Variants in CS observed in about 807,000 individuals in gnomAD.
CS encodes the protein citrate synthase, mitochondrial.
Under a neutral mutation model 61.4 loss-of-function variants are expected in CS, and 13 were observed. That is an observed-to-expected ratio of 0.21 (90% CI 0.14 to 0.34). The LOEUF (loss-of-function observed/expected upper bound fraction) is 0.34. CS is among the 10% of genes least tolerant of loss of function. The pLI, the probability that CS is intolerant of heterozygous loss-of-function variation, is 1.00. For missense variants in CS, 278 were observed against 573.4 expected (o/e 0.48, Z 5.26); for synonymous variants, 159 against 215.2 (o/e 0.74, Z 2.29).
At chr12:56,276,326 T>TA in intron 6 of CS, 131 bp from the exon 7 acceptor site, 3 of 718,012 alleles carry the variant, frequency 4.2e-6, no homozygotes, top group Non-Finnish European at 7.1e-6. Context: ...TGGGTTGTTA[T>TA]ATATTGAGTA....
chr12:56,293,076 C>T (rs1873182841), intron 1 of CS, among the ~76,000 whole-genome samples: 1 of 152,164 alleles, frequency 6.6e-6, no homozygotes, highest in Admixed American at 6.6e-5. Context: ...TACTGCACTC[C>T]AGCCTGGGCA....
intron 2 of CS, 81 bp from the exon 3 acceptor site, chr12:56,286,104 CTTTT>C: frequency 6.5e-6 from 8 of 1,239,098 alleles, no homozygotes; most frequent in Non-Finnish European, 8.2e-6. Flanking sequence ...CAAGAATTTG[CTTTT>C]TAGAAGCTGG....
chr12:56,297,442 A>G (rs1873339614), intron 1 of CS, among the ~76,000 whole-genome samples: 1 of 152,242 alleles, frequency 6.6e-6, no homozygotes, highest in South Asian at 2.1e-4. Flanking sequence ...TGACAGTGAG[A>G]GTAGAACAAT....
At position 56,273,052 on chromosome 12, in the gene CS, T is replaced by C. The variant is rs1872551520; in HGVS notation, c.*32A>G. The C allele has an allele frequency of 6.4e-7, 1 of 1,568,048 alleles. No individual in the cohort carries two copies. ...TACTTTTTATTTAGGCTTCCTCACT[T>C]TCTGGTAGTCACTTTCACCCAGTCT... is the stretch of plus-strand genomic sequence containing the variant. On this transcript the variant is annotated 3_prime_UTR_variant, in exon 11 of 11. Coordinates refer to ENST00000351328, the MANE Select transcript of CS (RefSeq NM_004077.3).
Position 56,300,255 on chromosome 12 carries a change from C to T in CS, c.-54G>A, listed in dbSNP as rs1335610309. 1 of 1,525,170 alleles carries T rather than the reference C, an allele frequency of 6.6e-7. No individual in the cohort carries two copies. Among genetic ancestry groups the T allele is most frequent in the Non-Finnish European group, 8.8e-7 (1 of 1,132,180 alleles). The allele number at this position is 1,525,170 out of a possible 1,614,324, so 94.5% of individuals were successfully genotyped here. ...AGGTAAGAAAGGGAGAGAGCTGCGG[C>T]AGGAACAGGAGCCGCCGCCGCTGCA... is the stretch of plus-strand genomic sequence containing the variant. On this transcript the variant is annotated 5_prime_UTR_variant, in exon 1 of 11. Coordinates refer to ENST00000351328, the MANE Select transcript of CS (RefSeq NM_004077.3).
chr12:56,277,490 C>T (rs1872656765), intron 6 of CS, among the ~76,000 whole-genome samples: 1 of 150,696 alleles, frequency 6.6e-6, no homozygotes, highest in Non-Finnish European at 1.5e-5. Flanking sequence ...CAGAGTGAGA[C>T]TCCGTCTCAA....
At chr12:56,286,279 CAT>C in intron 2 of CS, 1 of 552,456 alleles carries the variant, frequency 1.8e-6, no homozygotes, top group Non-Finnish European at 3.2e-6. Flanking sequence ...ATAATGTAAA[CAT>C]ATCTACTGCC....
rs913483430 is a variant in CS, at chr12:56,272,077, C to T, written c.*1007G>A. Reference sequence around the variant, plus strand: ...TTTTTAATGCCCTCAGCCCCAGTACCTGATAATCAGAGGAGACCATGTCCA... The same window carrying T: ...TTTTTAATGCCCTCAGCCCCAGTACTTGATAATCAGAGGAGACCATGTCCA... On this transcript the variant is annotated 3_prime_UTR_variant, in exon 11 of 11. Transcript: ENST00000351328. The T allele has an allele frequency of 1.4e-5, 5 of 352,984 alleles. No homozygotes were observed. Among genetic ancestry groups the T allele is most frequent in the Admixed American group, 3.8e-5 (1 of 26,532 alleles). The allele number at this position is 352,984 out of a possible 1,614,324, so 21.9% of individuals were successfully genotyped here.
chr12:56,272,455 CTTAATT>C lies in CS; in HGVS notation c.*623_*628del, dbSNP rs1172718393. 6.6e-6 allele frequency: 1 copy of C among 152,208 alleles called. No homozygotes were observed. The highest frequency in any genetic ancestry group is 1.9e-4 in the East Asian group (1 of 5,186). The allele number at this position is 152,208 out of a possible 1,614,324, so 9.4% of individuals were successfully genotyped here. ...AATGGGAAACAGAACACTCCCAGACCTTAATTTTAATTGGATAGTTTTAAAAAAAAA... is the reference window on the plus strand; with the variant it reads ...AATGGGAAACAGAACACTCCCAGACCTTAATTGGATAGTTTTAAAAAAAAA... On this transcript the variant is annotated 3_prime_UTR_variant, in exon 11 of 11. Coordinates refer to ENST00000351328, the MANE Select transcript of CS (RefSeq NM_004077.3).
intron 1 of CS, among the ~76,000 whole-genome samples, chr12:56,287,572 T>C (rs1872982026): frequency 6.6e-6 from 1 of 152,036 alleles, no homozygotes; most frequent in Non-Finnish European, 1.5e-5. Context: ...TAGTTTCTTT[T>C]TTCCTCAAAT....
Position 56,271,956 on chromosome 12 carries a change from CAT to C in CS, c.*1126_*1127del. Reference sequence around the variant, plus strand: ...ACCTGTGCAAATGGGGCTTCTGAAACATTGTACTGTGAGCTCTCAGGGAAAGG... The same window carrying C: ...ACCTGTGCAAATGGGGCTTCTGAAACTGTACTGTGAGCTCTCAGGGAAAGG... On this transcript the variant is annotated 3_prime_UTR_variant, in exon 11 of 11. Coordinates refer to ENST00000351328, the MANE Select transcript of CS (RefSeq NM_004077.3). The C allele has an allele frequency of 6.6e-6, 3 of 453,330 alleles. No individual in the cohort carries two copies. The highest frequency in any genetic ancestry group is 1.6e-5 in the South Asian group (1 of 63,908). The allele number at this position is 453,330 out of a possible 1,614,324, so 28.1% of individuals were successfully genotyped here. A position where few individuals can be genotyped will look rare whatever the true frequency, so the allele number is the denominator to read the frequency against.
At chr12:56,280,438 C>A (rs11171790) in intron 6 of CS, among the ~76,000 whole-genome samples, 5,646 of 40,330 alleles carry the variant, frequency 0.14, 173 homozygotes, top group Non-Finnish European at 0.23. Flanking sequence ...AAAAAAAAAA[C>A]AAAAAAATTA....
At position 56,300,212 on chromosome 12, in the gene CS, C is replaced by T. The variant is rs759520827; in HGVS notation, c.-11G>A. ...AGTAAGTAAAGCCATGGCGGGCGAT[C>T]TCCGGGATCTGGTGGGGAGGTAAGA... On this transcript the variant is annotated 5_prime_UTR_variant, in exon 1 of 11. Transcript: ENST00000351328. The T allele has an allele frequency of 5.3e-5, 82 of 1,560,592 alleles. No homozygotes were observed. Among genetic ancestry groups the T allele is most frequent in the Non-Finnish European group, 6.1e-5 (71 of 1,154,680 alleles).
chr12:56,280,048 T>C (rs930917780), intron 6 of CS, among the ~76,000 whole-genome samples: 17 of 151,256 alleles, frequency 1.1e-4, no homozygotes, highest in Non-Finnish European at 2.1e-4. Context: ...GGGGAAGAGG[T>C]GGGCGAATCA....
Position 56,275,569 on chromosome 12 carries a change from T to TAAA in CS, c.788+424_788+426dup, listed in dbSNP as rs769377638. On this transcript the variant is annotated intron_variant, in intron 7 of 10. Coordinates refer to ENST00000351328, the MANE Select transcript of CS (RefSeq NM_004077.3). Reference sequence around the variant, plus strand: ...CCTGGCGACAGAGCAAGACTCCATCTAAAAAAAAAAAAAAAAAAAAGCATC... The same window carrying TAAA: ...CCTGGCGACAGAGCAAGACTCCATCTAAAAAAAAAAAAAAAAAAAAAAAGCATC... 458 of 107,014 alleles carry TAAA rather than the reference T, an allele frequency of 4.3e-3. 5 individuals are homozygous for TAAA. Among genetic ancestry groups the TAAA allele is most frequent in the African/African-American group, 0.018 (443 of 24,084 alleles). 6.6% of individuals were successfully genotyped at this position (107,014 alleles called of 1,614,324 possible).
chr12:56,289,833 T>G (rs769760384), intron 1 of CS, among the ~76,000 whole-genome samples: 34 of 152,100 alleles, frequency 2.2e-4, no homozygotes, highest in Non-Finnish European at 3.5e-4. Context: ...CAAGCGATCT[T>G]CCTACCTCAG....
At chr12:56,274,431 G>T (rs1375235621) in intron 9 of CS, 2 of 185,346 alleles carry the variant, frequency 1.1e-5, no homozygotes, top group South Asian at 1.2e-4. Flanking sequence ...GATTATAAGC[G>T]TGAGCCACCA....
chr12:56,286,165 G>A (rs1872933886), intron 2 of CS, 142 bp from the exon 3 acceptor site: 5 of 640,032 alleles, frequency 7.8e-6, no homozygotes, highest in Admixed American at 2.7e-5. Context: ...ACAAATGAGG[G>A]TAAAAGAATT....
chr12:56,286,148 A>C, intron 2 of CS, 125 bp from the exon 3 acceptor site: 3 of 699,652 alleles, frequency 4.3e-6, no homozygotes, highest in Non-Finnish European at 7.5e-6. Context: ...CTGGTCAACT[A>C]CTCTGCACAA....
Sources: gnomAD v4.1 joint callset for allele counts (sites outside exome capture counted in the v4.1 genomes callset) on GRCh38, gnomAD v4.1.1 for gene constraint, MANE v1.5 for transcripts, NCBI Gene and HGNC (gene_info 2026-07-23, HGNC 2026-07-21) for gene names.